TSHZ2: variants seen among roughly 807,000 people sequenced by gnomAD.
TSHZ2 encodes teashirt homolog 2.
In TSHZ2, 21 loss-of-function variants were observed where a neutral mutation model predicts 74.4. The ratio of observed to expected loss-of-function variants is 0.28; its 90% CI spans 0.20 to 0.41. The LOEUF (loss-of-function observed/expected upper bound fraction) is 0.41. Among genes scored for constraint, TSHZ2 ranks in the 10% least tolerant of loss-of-function variants. TSHZ2 has a pLI of 1.00. For missense variants in TSHZ2, 1,244 were observed against 1,293.5 expected (o/e 0.96, Z 0.59); for synonymous variants, 540 against 515.3 (o/e 1.05, Z -0.65).
At chr20:53,392,383 G>T (rs1205211534) in intron 2 of TSHZ2, among the ~76,000 whole-genome samples, 1 of 152,208 alleles carries the variant, frequency 6.6e-6, no homozygotes, top group Non-Finnish European at 1.5e-5. Flanking sequence ...GGCAGAGGTT[G>T]CAGTGAGCTG....
intron 1 of TSHZ2, among the ~76,000 whole-genome samples, chr20:53,016,957 A>T (rs1025513104): frequency 2.0e-5 from 3 of 152,148 alleles, no homozygotes; most frequent in Admixed American, 6.5e-5. Flanking sequence ...ACTGCTAAGG[A>T]GACAAGGACG....
chr20:53,237,231 A>C (rs1291873149), intron 1 of TSHZ2, among the ~76,000 whole-genome samples: 2 of 152,218 alleles, frequency 1.3e-5, no homozygotes, highest in Non-Finnish European at 2.9e-5. Context: ...GGTTGTCTTC[A>C]CAGCAGAATA....
intron 2 of TSHZ2, among the ~76,000 whole-genome samples, chr20:53,427,930 G>A (rs991091472): frequency 1.3e-5 from 2 of 152,290 alleles, no homozygotes; most frequent in African/African-American, 4.8e-5. Flanking sequence ...TAACATGGAG[G>A]GGGACATGGG....
chr20:53,130,260 A>G (rs1987067763), intron 1 of TSHZ2, among the ~76,000 whole-genome samples: 1 of 152,106 alleles, frequency 6.6e-6, no homozygotes, highest in African/African-American at 2.4e-5. Context: ...AAAAGAAAAG[A>G]AAAGAAACAG....
chr20:53,382,757 T>C (rs1482712171), intron 2 of TSHZ2, among the ~76,000 whole-genome samples: 1 of 152,188 alleles, frequency 6.6e-6, no homozygotes, highest in Admixed American at 6.5e-5. Flanking sequence ...CTGCTGCACA[T>C]GTGACTGCAA....
intron 2 of TSHZ2, among the ~76,000 whole-genome samples, chr20:53,345,429 G>A (rs1179606355): frequency 2.0e-5 from 3 of 152,054 alleles, no homozygotes; most frequent in East Asian, 1.9e-4. Flanking sequence ...CTGGTCCCCC[G>A]TCCCCCAGTG....
At position 53,437,239 on chromosome 20, in the gene TSHZ2, G is replaced by A. The variant is rs141980720; in HGVS notation, c.*9-49905G>A. Among the ~76,000 whole-genome samples the A allele has an allele frequency of 2.4e-3, 362 of 152,254 alleles. 1 individual carries two copies. Among genetic ancestry groups the A allele is most frequent in the South Asian group, 0.012 (60 of 4,826 alleles). The stretch of plus-strand genomic sequence containing the variant: ...TGTAATTCCAGCACTTTGGGAGGCC[G>A]AGGCAGATGGATCACTTGAGGTCAG... On this transcript the variant is annotated intron_variant, in intron 2 of 2. Coordinates refer to ENST00000371497, the MANE Select transcript of TSHZ2 (RefSeq NM_173485.6).
At chr20:53,313,775 A>G (rs776690804) in intron 2 of TSHZ2, among the ~76,000 whole-genome samples, 1 of 152,176 alleles carries the variant, frequency 6.6e-6, no homozygotes, top group Non-Finnish European at 1.5e-5. Context: ...AATTAAACAC[A>G]TTGTCTAAAA....
chr20:53,137,023 G>A (rs1008907737), intron 1 of TSHZ2, among the ~76,000 whole-genome samples: 3 of 152,172 alleles, frequency 2.0e-5, no homozygotes, highest in Admixed American at 1.3e-4. Flanking sequence ...AAAGCAGGGA[G>A]GGTGGTGTGT....
At chr20:53,197,538 C>T (rs192967346) in intron 1 of TSHZ2, among the ~76,000 whole-genome samples, 6 of 152,298 alleles carry the variant, frequency 3.9e-5, no homozygotes, top group African/African-American at 7.2e-5. Context: ...CTGAAATCAC[C>T]GTATTCACAC....
chr20:53,470,595 C>T (rs1186701447), intron 2 of TSHZ2, among the ~76,000 whole-genome samples: 1 of 152,084 alleles, frequency 6.6e-6, no homozygotes, highest in African/African-American at 2.4e-5. Flanking sequence ...GTGGGCAGAT[C>T]ACTTGAGGCC....
intron 1 of TSHZ2, among the ~76,000 whole-genome samples, chr20:53,022,249 C>T (rs186294306): frequency 2.0e-4 from 31 of 152,318 alleles, no homozygotes; most frequent in African/African-American, 7.0e-4. Context: ...AGAAATTTAT[C>T]GTGGAGTCCC....
At chr20:52,979,995 A>G (rs1443846295) in intron 1 of TSHZ2, among the ~76,000 whole-genome samples, 1 of 152,208 alleles carries the variant, frequency 6.6e-6, no homozygotes, top group Non-Finnish European at 1.5e-5. Flanking sequence ...TGTCATTTAA[A>G]AAACAATTTC....
At chr20:53,026,186 C>A (rs1358210985) in intron 1 of TSHZ2, among the ~76,000 whole-genome samples, 1 of 152,050 alleles carries the variant, frequency 6.6e-6, no homozygotes. Context: ...GGAACCATAA[C>A]TGGAGCTGGT....
chr20:53,060,852 C>G (rs1600670664), intron 1 of TSHZ2, among the ~76,000 whole-genome samples: 1 of 152,320 alleles, frequency 6.6e-6, no homozygotes, highest in East Asian at 1.9e-4. Flanking sequence ...ATCCTGGCAG[C>G]ACTCAGAAGT....
intron 1 of TSHZ2, among the ~76,000 whole-genome samples, chr20:53,183,560 G>A (rs1988531727): frequency 6.6e-6 from 1 of 152,150 alleles, no homozygotes; most frequent in Non-Finnish European, 1.5e-5. Context: ...AGGCTCAGCT[G>A]TGTGTGAGCA....
chr20:53,083,981 C>T (rs1022273819), intron 1 of TSHZ2, among the ~76,000 whole-genome samples: 16 of 151,690 alleles, frequency 1.1e-4, no homozygotes, highest in African/African-American at 3.9e-4. Flanking sequence ...GTTTAAGTTT[C>T]TCTGATTTAA....
rs546984334 is a variant in TSHZ2, at chr20:53,173,958, T to G, written c.41-79541T>G. On this transcript the variant is annotated intron_variant, in intron 1 of 2. Coordinates refer to ENST00000371497, the MANE Select transcript of TSHZ2 (RefSeq NM_173485.6). ...TGATACTTTTAATTTTAGATAGAAC[T>G]TCAAAGTATACACAAACACATACAG... Among the ~76,000 whole-genome samples, 3 of 152,140 alleles carry G rather than the reference T, an allele frequency of 2.0e-5. No homozygotes were observed. The South Asian group carries it at 6.2e-4, about 32-fold the overall frequency.
intron 1 of TSHZ2, among the ~76,000 whole-genome samples, chr20:53,241,923 C>T (rs1487446335): frequency 6.6e-6 from 1 of 152,162 alleles, no homozygotes; most frequent in Non-Finnish European, 1.5e-5. Context: ...GGGTGGTACA[C>T]ACACTTTCTC....
Sources: allele counts gnomAD v4.1 joint callset (sites outside exome capture counted in the v4.1 genomes callset), GRCh38; gene constraint gnomAD v4.1.1; transcripts MANE v1.5; gene names NCBI Gene and HGNC (gene_info 2026-07-23, HGNC 2026-07-21).